Variants in WWTR1 observed in about 807,000 individuals in gnomAD.
WWTR1 encodes WW domain-containing transcription regulator protein 1.
In WWTR1, 13 loss-of-function variants were observed where a neutral mutation model predicts 40.1. That is an observed-to-expected ratio of 0.32 (90% CI 0.21 to 0.52). The LOEUF (loss-of-function observed/expected upper bound fraction) is 0.52. WWTR1 is among the 20% of genes least tolerant of loss of function. The probability of loss-of-function intolerance (pLI) is 0.97; values close to 1 mark genes in which losing one functional copy is unlikely to be tolerated. For missense variants in WWTR1, 436 were observed against 523.1 expected, an observed-to-expected ratio of 0.83 and a Z score of 1.63; for synonymous variants, 230 against 210.1, an observed-to-expected ratio of 1.09 and a Z score of -0.82.
intron 2 of WWTR1, chr3:149,576,087 C>T (rs1265624367): frequency 2.2e-6 from 1 of 456,602 alleles, no homozygotes; most frequent in Non-Finnish European, 4.4e-6. Context: ...GTGAGCAGTT[C>T]TCATTGCTCC....
intron 2 of WWTR1, among the ~76,000 whole-genome samples, chr3:149,610,425 C>A (rs905306339): frequency 1.3e-5 from 2 of 152,210 alleles, no homozygotes; most frequent in Non-Finnish European, 2.9e-5. Context: ...TGTTCACTTA[C>A]ATCATGAACC....
chr3:149,553,956 G>A (rs911046185), intron 3 of WWTR1, among the ~76,000 whole-genome samples: 3 of 152,064 alleles, frequency 2.0e-5, no homozygotes, highest in Admixed American at 6.6e-5. Flanking sequence ...GGCTGCAGAC[G>A]CGTCTCTCGC....
At chr3:149,584,500 C>T (rs929822684) in intron 2 of WWTR1, among the ~76,000 whole-genome samples, 21 of 152,258 alleles carry the variant, frequency 1.4e-4, no homozygotes, top group Non-Finnish European at 2.1e-4. Flanking sequence ...ACTAGAGGTG[C>T]TTTTCAGAGT....
At chr3:149,600,137 G>T (rs143276839) in intron 2 of WWTR1, among the ~76,000 whole-genome samples, 1 of 152,112 alleles carries the variant, frequency 6.6e-6, no homozygotes, top group Non-Finnish European at 1.5e-5. Context: ...GGACTTGAGC[G>T]TCGTCAAATT....
chr3:149,527,924 C>T lies in WWTR1; in HGVS notation c.817G>A (p.Ala273Thr). The T allele has an allele frequency of 6.2e-7, 1 of 1,614,004 alleles. No individual in the cohort carries two copies. The highest frequency in any genetic ancestry group is 1.3e-5 in the African/African-American group (1 of 75,022). Residue 273 changes from alanine to threonine, a missense_variant, in exon 5 of 7, where the codon GCC (alanine) becomes ACC (threonine). By Grantham distance (58) the Ala-to-Thr change is moderately conservative. Coordinates refer to ENST00000360632, the MANE Select transcript of WWTR1 (RefSeq NM_015472.6). Reference protein sequence around the residue: ...RQLPMEAETLAPVQAAVNPPT... With the variant: ...RQLPMEAETLTPVQAAVNPPT... ...GGGTTGACAGCAGCCTGAACTGGGG[C>T]AAGAGTCTCAGCTTCCATGGGGAGC...
At chr3:149,626,064 G>C (rs1290512952) in intron 2 of WWTR1, among the ~76,000 whole-genome samples, 1 of 152,128 alleles carries the variant, frequency 6.6e-6, no homozygotes, top group Non-Finnish European at 1.5e-5. Flanking sequence ...ATGACTGCAA[G>C]GTAATTGTAA....
At chr3:149,603,847 G>A (rs867184581) in intron 2 of WWTR1, among the ~76,000 whole-genome samples, 58 of 132,994 alleles carry the variant, frequency 4.4e-4, no homozygotes, top group African/African-American at 1.5e-3. Context: ...CTACATAAGC[G>A]GCATACCAAA....
intron 2 of WWTR1, among the ~76,000 whole-genome samples, chr3:149,620,867 G>A (rs989064135): frequency 6.6e-6 from 1 of 152,192 alleles, no homozygotes; most frequent in African/African-American, 2.4e-5. Context: ...CTTTACACAA[G>A]AATCTCAAGC....
At position 149,604,325 on chromosome 3, in the gene WWTR1, C is replaced by T. The variant is rs569183715; in HGVS notation, c.432-31325G>A. Among the ~76,000 whole-genome samples the T allele has an allele frequency of 1.5e-4, 23 of 152,284 alleles. 1 individual carries two copies. The South Asian group carries it at 4.4e-3, about 29-fold the overall frequency. On this transcript the variant is annotated intron_variant, in intron 2 of 6. Transcript: ENST00000360632. Reference sequence around the variant, plus strand: ...ACTGCATGCACACCCCACCACATCCCGGGAAGGAGCTTGCACAGGACTTTA... The same window carrying T: ...ACTGCATGCACACCCCACCACATCCTGGGAAGGAGCTTGCACAGGACTTTA...
At chr3:149,561,079 A>G (rs1333729095) in intron 3 of WWTR1, among the ~76,000 whole-genome samples, 1 of 152,200 alleles carries the variant, frequency 6.6e-6, no homozygotes, top group African/African-American at 2.4e-5. Context: ...AAACATTCCA[A>G]AGAAACTGGA....
At chr3:149,700,837 T>C (rs1178267663) in intron 1 of WWTR1, among the ~76,000 whole-genome samples, 1 of 152,182 alleles carries the variant, frequency 6.6e-6, no homozygotes, top group Non-Finnish European at 1.5e-5. Flanking sequence ...AAGAAAGCCG[T>C]GCCCAATACA....
At chr3:149,522,417 T>C (rs1735095388) in intron 6 of WWTR1, among the ~76,000 whole-genome samples, 1 of 152,188 alleles carries the variant, frequency 6.6e-6, no homozygotes, top group African/African-American at 2.4e-5. Context: ...GACTCCTGGG[T>C]AACATTTTAC....
At chr3:149,694,060 A>G (rs1714902936) in intron 1 of WWTR1, among the ~76,000 whole-genome samples, 1 of 152,182 alleles carries the variant, frequency 6.6e-6, no homozygotes, top group African/African-American at 2.4e-5. Flanking sequence ...GAAAAGACAA[A>G]GCGAAGTGGG....
chr3:149,589,194 C>A (rs1738584058), intron 2 of WWTR1, among the ~76,000 whole-genome samples: 1 of 152,138 alleles, frequency 6.6e-6, no homozygotes, highest in South Asian at 2.1e-4. Flanking sequence ...CTCCCAGCTG[C>A]AATACTGTTA....
At chr3:149,625,875 A>G (rs1424132845) in intron 2 of WWTR1, among the ~76,000 whole-genome samples, 1 of 152,150 alleles carries the variant, frequency 6.6e-6, no homozygotes, top group African/African-American at 2.4e-5. Context: ...TAGCACTAAA[A>G]GCCCTGACTC....
In WWTR1 at chr3:149,648,331, T is replaced by C. The variant is rs559548337; in HGVS notation, c.431+8545A>G. Among the ~76,000 whole-genome samples the C allele has an allele frequency of 6.2e-4, 95 of 152,150 alleles. 1 individual carries two copies. The highest frequency in any genetic ancestry group is 8.7e-4 in the Non-Finnish European group (59 of 68,040). ...TACAGGATTCCTTTCGAACACCTAC[T>C]ATGTGCCAGGCACTGTGCTCAAGTT... On this transcript the variant is annotated intron_variant, in intron 2 of 6. Coordinates refer to ENST00000360632, the MANE Select transcript of WWTR1 (RefSeq NM_015472.6).
intron 2 of WWTR1, among the ~76,000 whole-genome samples, chr3:149,615,542 T>TA (rs908963973): frequency 3.3e-5 from 5 of 152,182 alleles, no homozygotes; most frequent in African/African-American, 9.7e-5. Flanking sequence ...TACAAAGTTT[T>TA]AAAAAAATCA....
chr3:149,663,750 G>A (rs1446236203), intron 2 of WWTR1, among the ~76,000 whole-genome samples: 1 of 152,118 alleles, frequency 6.6e-6, no homozygotes, highest in Non-Finnish European at 1.5e-5. Flanking sequence ...TCCTTGTTGA[G>A]AGCATAGTGA....
chr3:149,683,717 A>AAAAAGG (rs1714536113), intron 1 of WWTR1, among the ~76,000 whole-genome samples: 1 of 152,136 alleles, frequency 6.6e-6, no homozygotes, highest in Non-Finnish European at 1.5e-5. Context: ...AAAGAAAAAG[A>AAAAAGG]ACAGGATAGA....
Sources: allele counts gnomAD v4.1 joint callset (sites outside exome capture counted in the v4.1 genomes callset), GRCh38; gene constraint gnomAD v4.1.1; transcripts MANE v1.5; gene names NCBI Gene and HGNC (gene_info 2026-07-23, HGNC 2026-07-21).